TCF25: variants seen among roughly 807,000 people sequenced by gnomAD.
The protein encoded by TCF25 is ribosome quality control complex subunit TCF25.
In TCF25, 41 loss-of-function variants were observed where a neutral mutation model predicts 83.1. That is an observed-to-expected ratio of 0.49 (90% CI 0.38 to 0.64). The LOEUF is 0.64. Among genes scored for constraint, TCF25 ranks in the 30% least tolerant of loss-of-function variants. The pLI is 0.00. For synonymous variants in TCF25, 458 were observed against 365.0 expected (o/e 1.25, Z -2.90); for missense variants, 979 against 914.5 (o/e 1.07, Z -0.91).
intron 2 of TCF25, chr16:89,884,117 T>G (rs2042805194): frequency 5.7e-6 from 1 of 174,220 alleles, no homozygotes; most frequent in Non-Finnish European, 1.2e-5. Context: ...AACATACATG[T>G]GAAGTGACAG....
intron 1 of TCF25, among the ~76,000 whole-genome samples, chr16:89,876,171 T>C (rs2042175095): frequency 6.6e-6 from 1 of 152,138 alleles, no homozygotes; most frequent in Admixed American, 6.6e-5. Flanking sequence ...CCTCCATGGA[T>C]GAATGACTGC....
At chr16:89,873,934 TCG>T in intron 1 of TCF25, 75 bp downstream of exon 1, 1 of 1,363,372 alleles carries the variant, frequency 7.3e-7, no homozygotes, top group South Asian at 1.4e-5. Context: ...TCCAGCCGGG[TCG>T]GGGAGCGGGG....
chr16:89,879,386 T>C (rs545188449), intron 1 of TCF25, among the ~76,000 whole-genome samples: 8 of 144,430 alleles, frequency 5.5e-5, no homozygotes, highest in Admixed American at 1.4e-4. Context: ...CAGATGGGCT[T>C]CGGAGCCTGT....
intron 9 of TCF25, among the ~76,000 whole-genome samples, chr16:89,897,823 A>C (rs1418087307): frequency 9.2e-6 from 1 of 108,682 alleles, no homozygotes; most frequent in African/African-American, 3.2e-5. Flanking sequence ...AAAAAACAAG[A>C]TAAAGATTTC....
chr16:89,889,731 G>A (rs1476547713), intron 5 of TCF25: 4 of 153,248 alleles, frequency 2.6e-5, no homozygotes, highest in African/African-American at 9.7e-5. Context: ...TGTGTTTTTA[G>A]TAGAGATGGG....
chr16:89,895,940 G>A, intron 8 of TCF25, 50 bp from the exon 9 acceptor site: 1 of 1,538,002 alleles, frequency 6.5e-7, no homozygotes, highest in Admixed American at 1.7e-5. Context: ...AGGGGCCGTG[G>A]TTGCTGTGTG....
chr16:89,876,228 C>T (rs911834164), intron 1 of TCF25, among the ~76,000 whole-genome samples: 8 of 152,090 alleles, frequency 5.3e-5, no homozygotes, highest in African/African-American at 1.9e-4. Flanking sequence ...TATCCAGTGG[C>T]ACACATCAGT....
rs541130637 is a variant in TCF25, at chr16:89,883,214, C to A, written c.193-137C>A. 131 of 1,183,300 alleles carry A rather than the reference C, an allele frequency of 1.1e-4. No individual in the cohort carries two copies. The African/African-American group carries it at 1.7e-3, about 15-fold the overall frequency. The allele number at this position is 1,183,300 out of a possible 1,614,324, so 73.3% of individuals were successfully genotyped here. On this transcript the variant is annotated intron_variant, in intron 1 of 17. Coordinates refer to ENST00000263346, the MANE Select transcript of TCF25 (RefSeq NM_014972.3). The stretch of plus-strand genomic sequence containing the variant: ...TGTGTCCAACAGTCTCGGGTTCTTG[C>A]ATCTTTCCCGTCCAGCGTCTCGCAC...
intron 1 of TCF25, among the ~76,000 whole-genome samples, chr16:89,876,530 C>T (rs902118107): frequency 4.6e-5 from 7 of 152,116 alleles, no homozygotes; most frequent in Non-Finnish European, 7.3e-5. Context: ...TCCCAAAGTG[C>T]TGGAATTGCA....
rs186838083 is a variant in TCF25 at position 89,880,798 on chromosome 16, G to C, written c.193-2553G>C. Reference sequence around the variant, plus strand: ...TTAGTTGAATGTTGGAGATGGTGTAGATCCAATTTACCAGTGACCACCCAC... The same window carrying C: ...TTAGTTGAATGTTGGAGATGGTGTACATCCAATTTACCAGTGACCACCCAC... On this transcript the variant is annotated intron_variant, in intron 1 of 17. Coordinates refer to ENST00000263346, the MANE Select transcript of TCF25 (RefSeq NM_014972.3). 2.6e-4 allele frequency among the ~76,000 whole-genome samples: 40 copies of C among 152,284 alleles called. No homozygotes were observed. In the East Asian group the frequency reaches 7.5e-3, roughly 29 times the overall value.
chr16:89,905,155 GAC>G, intron 14 of TCF25, 59 bp downstream of exon 14: 1 of 1,488,344 alleles, frequency 6.7e-7, no homozygotes, highest in South Asian at 1.4e-5. Context: ...CCTCATCCCA[GAC>G]ACGGGGGCCT....
chr16:89,874,317 G>T (rs2041995182), intron 1 of TCF25, among the ~76,000 whole-genome samples: 1 of 151,862 alleles, frequency 6.6e-6, no homozygotes. Flanking sequence ...GCTAAAGACG[G>T]GGGGGTGGCG....
intron 4 of TCF25, among the ~76,000 whole-genome samples, chr16:89,886,767 A>G (rs570252086): frequency 2.0e-5 from 3 of 152,126 alleles, no homozygotes; most frequent in Admixed American, 1.3e-4. Context: ...TCTCAAAAAA[A>G]AGAAAAAAAA....
intron 5 of TCF25, chr16:89,889,486 C>G: frequency 4.9e-6 from 1 of 202,440 alleles, no homozygotes; most frequent in Non-Finnish European, 1.0e-5. Flanking sequence ...CAGACACATC[C>G]TGTTTTATTG....
chr16:89,892,598 C>T (rs1033260147), intron 6 of TCF25, among the ~76,000 whole-genome samples: 7 of 152,350 alleles, frequency 4.6e-5, no homozygotes, highest in Middle Eastern at 3.4e-3. Flanking sequence ...TGTCTTTTAA[C>T]GCAGGTTCTT....
In TCF25 at chr16:89,873,648, C is replaced by G; in HGVS notation, c.-20C>G. ...GCGCTTCCTTCTCCCTCTCTCCAGACGTCGTGGTCGTTCGGTCCTATGTCG... is the reference window on the plus strand; with the variant it reads ...GCGCTTCCTTCTCCCTCTCTCCAGAGGTCGTGGTCGTTCGGTCCTATGTCG... On this transcript the variant is annotated 5_prime_UTR_variant, in exon 1 of 18. Coordinates refer to ENST00000263346, the MANE Select transcript of TCF25 (RefSeq NM_014972.3). The G allele has an allele frequency of 6.4e-7, 1 of 1,554,812 alleles. No individual in the cohort carries two copies. Among genetic ancestry groups the G allele is most frequent in the Non-Finnish European group, 8.6e-7 (1 of 1,156,596 alleles).
intron 2 of TCF25, among the ~76,000 whole-genome samples, chr16:89,884,245 G>A (rs1051885617): frequency 1.4e-4 from 22 of 152,152 alleles, no homozygotes; most frequent in Non-Finnish European, 7.3e-5. Flanking sequence ...GGTGTGAGGC[G>A]GCCAGGGCAC....
chr16:89,894,933 C>A, intron 7 of TCF25, 105 bp from the exon 8 acceptor site: 1 of 976,414 alleles, frequency 1.0e-6, no homozygotes, highest in Non-Finnish European at 1.5e-6. Context: ...GCGTGAGCCA[C>A]TGCGCCCAGC....
chr16:89,891,356 C>T (rs2043413236), intron 5 of TCF25, among the ~76,000 whole-genome samples: 1 of 152,210 alleles, frequency 6.6e-6, no homozygotes, highest in Non-Finnish European at 1.5e-5. Context: ...ACCTTCATGT[C>T]AGGAGGGCCC....
Sources: allele counts gnomAD v4.1 joint callset (sites outside exome capture counted in the v4.1 genomes callset), GRCh38; gene constraint gnomAD v4.1.1; transcripts MANE v1.5; gene names NCBI Gene and HGNC (gene_info 2026-07-23, HGNC 2026-07-21).